Variants in CHRNA2 observed in about 807,000 individuals in gnomAD.
The protein encoded by CHRNA2 is cholinergic receptor nicotinic alpha 2 subunit.
A neutral mutation model predicts 45.5 loss-of-function variants in CHRNA2; 40 were observed. That is an observed-to-expected ratio of 0.88 (90% CI 0.68 to 1.15). The LOEUF is 1.15. Among genes scored for constraint, CHRNA2 ranks in the 50% most tolerant of loss-of-function variants. The pLI is 0.00. For missense variants in CHRNA2, 655 were observed against 701.7 expected, an observed-to-expected ratio of 0.93 and a Z score of 0.75; for synonymous variants, 301 against 296.7, an observed-to-expected ratio of 1.01 and a Z score of -0.15.
chr8:27,470,479 T>A (rs993763458), intron 2 of CHRNA2, among the ~76,000 whole-genome samples: 2 of 152,266 alleles, frequency 1.3e-5, no homozygotes, highest in Admixed American at 6.5e-5. Flanking sequence ...CATGGGCATT[T>A]GCCACTTCCT....
rs886062843 is a variant in CHRNA2 at position 27,460,737 on chromosome 8, A to T, written c.*892T>A. 1.3e-5 allele frequency: 2 copies of T among 152,352 alleles called. No individual in the cohort carries two copies. Among genetic ancestry groups the T allele is most frequent in the South Asian group, 4.1e-4 (2 of 4,828 alleles). The allele number at this position is 152,352 out of a possible 1,614,324, so 9.4% of individuals were successfully genotyped here. ...GTTTGAGGTGGGTCAGGAGCAGCTCAGGATGGTCTTTCTTGTTTGCCTGCT... is the reference window on the plus strand; with the variant it reads ...GTTTGAGGTGGGTCAGGAGCAGCTCTGGATGGTCTTTCTTGTTTGCCTGCT... On this transcript the variant is annotated 3_prime_UTR_variant, in exon 7 of 7. Coordinates refer to ENST00000407991, the MANE Select transcript of CHRNA2 (RefSeq NM_000742.4).
At chr8:27,465,681 G>A (rs778897856) in intron 5 of CHRNA2, among the ~76,000 whole-genome samples, 2 of 152,212 alleles carry the variant, frequency 1.3e-5, no homozygotes, top group East Asian at 1.9e-4. Context: ...CGCCGGCCTC[G>A]GCCTCCCAGA....
rs375740892 is a variant in CHRNA2 at position 27,471,052 on chromosome 8, G to C, written c.7C>G (p.Pro3Ala). 26 of 1,613,926 alleles carry C rather than the reference G, an allele frequency of 1.6e-5. No individual in the cohort carries two copies. Among genetic ancestry groups the C allele is most frequent in the Non-Finnish European group, 2.2e-5 (26 of 1,179,958 alleles). MG[P>A]SCPVFLSFTK... ...AAGGACAGGAACACAGGACAGGAGG[G>C]GCCCATGGCTTCTCCTGAGCATCAG... The change falls in exon 2 of 7, where the codon CCC becomes GCC. Residue 3 changes from proline to alanine, a missense_variant. By Grantham distance (27) the Pro-to-Ala change is conservative. This residue lies in a region of CHRNA2 where 323 missense variants were observed against 354.4 expected (regional missense o/e 0.91). Coordinates refer to ENST00000407991, the MANE Select transcript of CHRNA2 (RefSeq NM_000742.4).
At position 27,478,947 on chromosome 8, in the gene CHRNA2, C is replaced by T. The variant is rs1813142647; in HGVS notation, c.-260G>A. 6.6e-6 allele frequency: 1 copy of T among 152,102 alleles called. No individual in the cohort carries two copies. Among genetic ancestry groups the T allele is most frequent in the Non-Finnish European group, 1.5e-5 (1 of 68,044 alleles). The allele number at this position is 152,102 out of a possible 1,614,324, so 9.4% of individuals were successfully genotyped here. On this transcript the variant is annotated 5_prime_UTR_variant, in exon 1 of 7. It removes the in-frame stop codon of an upstream open reading frame in the 5' UTR. Transcript: ENST00000407991. ...TGGCAGGTACAGAATAGAGCTCAGT[C>T]ACTTCATTTCATGGTCAAACAGAGG...
chr8:27,463,324 A>T lies in CHRNA2; in HGVS notation c.1119T>A (p.Cys373Ter). The change falls in exon 6 of 7, where the codon TGT becomes TGA. Residue 373 changes from cysteine (C) to a stop codon, truncating the protein, a stop_gained. Transcript: ENST00000407991. LOFTEE classifies it high-confidence loss of function. This position sits in a 1 kb window ranked among gnomAD's most constrained non-coding sequence, Gnocchi z 6.1. ...GGTTCATCAGAAGCCACCGGGGCAC[A>T]CAGCCCAGAAGGGCCCCCCGCACCC... ...PHWVRGALLG[C>*]VPRWLLMNRP... 3 of 1,612,880 alleles carry T rather than the reference A, an allele frequency of 1.9e-6. No homozygotes were observed. The highest frequency in any genetic ancestry group is 2.5e-6 in the Non-Finnish European group (3 of 1,179,174).
chr8:27,461,518 C>T lies in CHRNA2; in HGVS notation c.*111G>A, dbSNP rs572033587. The T allele has an allele frequency of 1.6e-5, 24 of 1,471,790 alleles. No individual in the cohort carries two copies. The highest frequency in any genetic ancestry group is 5.5e-5 in the African/African-American group (4 of 72,404). 91.2% of individuals were successfully genotyped at this position (1,471,790 alleles called of 1,614,324 possible). ...AATCCCTGGGTCAGTGTCCAGACTC[C>T]GCGGAGAGGCACCTGCTCATCCCAA... On this transcript the variant is annotated 3_prime_UTR_variant, in exon 7 of 7. Transcript: ENST00000407991.
chr8:27,464,643 A>G (rs1563319553), intron 5 of CHRNA2, among the ~76,000 whole-genome samples: 1 of 152,034 alleles, frequency 6.6e-6, no homozygotes. Flanking sequence ...TTAGAGTGAT[A>G]TCTATGAGTC....
intron 6 of CHRNA2, 150 bp downstream of exon 6, chr8:27,462,829 G>T: frequency 3.2e-6 from 3 of 930,368 alleles, no homozygotes; most frequent in South Asian, 1.4e-5. Flanking sequence ...GTGCTCTCTT[G>T]CTATTTATTC....
chr8:27,478,676 A>G (rs764234073), intron 1 of CHRNA2, 148 bp downstream of exon 1: 7 of 152,122 alleles, frequency 4.6e-5, no homozygotes, highest in Non-Finnish European at 7.3e-5. Context: ...CCAGGAGACT[A>G]AAATATTTCT....
chr8:27,463,804 C>T lies in CHRNA2; in HGVS notation c.639G>A (p.Leu213=). The T allele has an allele frequency of 2.5e-6, 4 of 1,614,144 alleles. No individual in the cohort carries two copies. The highest frequency in any genetic ancestry group is 3.4e-6 in the Non-Finnish European group (4 of 1,180,036). The part of the protein sequence containing the change: ...SWTYDKAKID[L]EQMEQTVDLK... ...GGTCCACAGTCTGCTCCATCTGCTC[C>T]AGGTCGATCTTGGCCTTGTCATAAG... Residue 213 remains leucine, a synonymous_variant, in exon 6 of 7, where the codon CTG becomes CTA. Transcript: ENST00000407991. This position sits in a 1 kb window ranked among gnomAD's most constrained non-coding sequence, Gnocchi z 6.1.
Position 27,461,604 on chromosome 8 carries a change from G to A in CHRNA2, c.*25C>T. 1 of 1,614,010 alleles carries A rather than the reference G, an allele frequency of 6.2e-7. No homozygotes were observed. The highest frequency in any genetic ancestry group is 8.5e-7 in the Non-Finnish European group (1 of 1,179,876). ...AAAAGATGGTCAGCGGGGGTGCCCT[G>A]GGAGCCAGCTCGAGGGAGGTGCAGT... On this transcript the variant is annotated 3_prime_UTR_variant, in exon 7 of 7. Transcript: ENST00000407991.
intron 1 of CHRNA2, 147 bp from the exon 2 acceptor site, chr8:27,471,341 G>C (rs1346035378): frequency 2.5e-6 from 1 of 399,948 alleles, no homozygotes; most frequent in Non-Finnish European, 4.7e-6. Context: ...GCTCTCCCTG[G>C]CTTATTGAGG....
Position 27,467,336 on chromosome 8 carries a change from C to T in CHRNA2, c.342G>A (p.Glu114=). 1 of 1,608,316 alleles carries T rather than the reference C, an allele frequency of 6.2e-7. No individual in the cohort carries two copies. The highest frequency in any genetic ancestry group is 8.5e-7 in the Non-Finnish European group (1 of 1,174,954). ...MMTTNVWLKQ[E]WSDYKLRWNP... is the part of the protein sequence containing the mutation. ...TCCAGCGCAGTTTGTAGTCGCTCCA[C>T]TCCTGTGTGTGGGGAAGGAGTTGTG... Residue 114 remains glutamate, a splice_region_variant and synonymous_variant, in exon 5 of 7, where the codon GAG becomes GAA. Coordinates refer to ENST00000407991, the MANE Select transcript of CHRNA2 (RefSeq NM_000742.4).
At chr8:27,470,519 T>A (rs964283410) in intron 2 of CHRNA2, among the ~76,000 whole-genome samples, 1 of 152,236 alleles carries the variant, frequency 6.6e-6, no homozygotes, top group African/African-American at 2.4e-5. Flanking sequence ...TCAAAATGTT[T>A]CTATGGCATC....
chr8:27,471,975 G>A (rs998899146), intron 1 of CHRNA2, among the ~76,000 whole-genome samples: 1 of 152,196 alleles, frequency 6.6e-6, no homozygotes, highest in Non-Finnish European at 1.5e-5. Context: ...TAAAGGTTAA[G>A]TTGATCGCCA....
rs1441707489 is a variant in CHRNA2, at chr8:27,471,091, G to A, written c.-33C>T. 2 of 1,604,502 alleles carry A rather than the reference G, an allele frequency of 1.2e-6. No individual in the cohort carries two copies. Among genetic ancestry groups the A allele is most frequent in the South Asian group, 1.1e-5 (1 of 90,764 alleles). On this transcript the variant is annotated 5_prime_UTR_variant, in exon 2 of 7. Transcript: ENST00000407991. Reference sequence around the variant, plus strand: ...CCTGAGCATCAGGAGGTCAGGTCAGGGCTTTGCTGTGGGTTGCACCATGGA... The same window carrying A: ...CCTGAGCATCAGGAGGTCAGGTCAGAGCTTTGCTGTGGGTTGCACCATGGA...
intron 3 of CHRNA2, 27 bp downstream of exon 3, chr8:27,469,734 G>A (rs199963019): frequency 1.8e-5 from 29 of 1,613,244 alleles, no homozygotes; most frequent in African/African-American, 2.7e-5. Flanking sequence ...CTCCTTCCTC[G>A]GGCCAGCGGT....
intron 4 of CHRNA2, 148 bp from the exon 5 acceptor site, chr8:27,467,486 G>T: frequency 1.6e-6 from 1 of 633,340 alleles, no homozygotes. Context: ...AGTGGAGGGA[G>T]CTGCGGTGCT....
In CHRNA2 at chr8:27,463,075, CT is replaced by C; in HGVS notation, c.1367del (p.Gln456ArgfsTer34). 6.2e-7 allele frequency: 1 copy of C among 1,612,974 alleles called. No homozygotes were observed. Among genetic ancestry groups the C allele is most frequent in the South Asian group, 1.1e-5 (1 of 91,052 alleles). ...GGGGTGATAGCAGCAGCTCACCCTCCTGCAGCAGAGCCTCAGCCTTGGGACC... is the reference window on the plus strand; with the variant it reads ...GGGGTGATAGCAGCAGCTCACCCTCCGCAGCAGAGCCTCAGCCTTGGGACC... Reference protein sequence around the residue: ...ASGPKAEALLQEGELLLSPHM... With the variant: ...ASGPKAEALLXEGELLLSPHM... On this transcript the variant is annotated frameshift_variant, in exon 6 of 7. Transcript: ENST00000407991. LOFTEE classifies it high-confidence loss of function. The surrounding 1 kb of genome is among the most constrained non-coding windows in gnomAD (Gnocchi z 6.1).
Sources: allele counts gnomAD v4.1 joint callset (sites outside exome capture counted in the v4.1 genomes callset), GRCh38; gene constraint gnomAD v4.1.1; regional missense constraint gnomAD v4.1.1; non-coding constraint Gnocchi (gnomAD v3.1); transcripts MANE v1.5; gene names NCBI Gene and HGNC (gene_info 2026-07-23, HGNC 2026-07-21).